The following ZBTB20 variants were observed in gnomAD, a reference collection of about 807,000 sequenced individuals.
ZBTB20 encodes the protein zinc finger and BTB domain-containing protein 20.
ZBTB20 carries 9 observed loss-of-function variants against 56.9 expected under a neutral mutation model. The ratio of observed to expected loss-of-function variants is 0.16; its 90% CI spans 0.10 to 0.28. ZBTB20 has a LOEUF of 0.28. Ranked by LOEUF, ZBTB20 falls within the 10% of genes least tolerant of loss-of-function variation. The pLI is 1.00. For missense variants in ZBTB20, 655 were observed against 1,003.0 expected (o/e 0.65, Z 4.69); for synonymous variants, 417 against 420.7 (o/e 0.99, Z 0.11).
At chr3:114,697,305 ATAAG>A (rs2063102715) in intron 5 of ZBTB20, among the ~76,000 whole-genome samples, 1 of 152,020 alleles carries the variant, frequency 6.6e-6, no homozygotes, top group Admixed American at 6.6e-5. Context: ...TTTTCACAAA[ATAAG>A]TAAAAACGAA....
chr3:115,047,333 C>T (rs1415475232), intron 2 of ZBTB20, among the ~76,000 whole-genome samples: 1 of 152,144 alleles, frequency 6.6e-6, no homozygotes, highest in East Asian at 1.9e-4. Context: ...GAAAAGACAA[C>T]ATACTTGGAA....
intron 5 of ZBTB20, among the ~76,000 whole-genome samples, chr3:114,731,814 G>A (rs1191212957): frequency 6.7e-6 from 1 of 149,182 alleles, no homozygotes; most frequent in Admixed American, 6.7e-5. Flanking sequence ...TAACTAATCC[G>A]GCTGTGCCTA....
At chr3:114,828,032 A>G (rs940265656) in intron 4 of ZBTB20, among the ~76,000 whole-genome samples, 3 of 151,736 alleles carry the variant, frequency 2.0e-5, no homozygotes, top group African/African-American at 7.2e-5. Flanking sequence ...GTAAGATTAA[A>G]TGGGGATTAA....
chr3:114,621,902 T>G (rs1467540735), intron 6 of ZBTB20, among the ~76,000 whole-genome samples: 1 of 152,188 alleles, frequency 6.6e-6, no homozygotes, highest in Non-Finnish European at 1.5e-5. Context: ...TTCTGACTTC[T>G]TATATATTTC....
intron 7 of ZBTB20, among the ~76,000 whole-genome samples, chr3:114,481,335 C>T (rs754620069): frequency 2.6e-5 from 4 of 151,762 alleles, no homozygotes; most frequent in East Asian, 3.9e-4. Context: ...TCAGGTCACA[C>T]GCATCCTACT....
intron 5 of ZBTB20, among the ~76,000 whole-genome samples, chr3:114,741,282 T>C (rs2066550493): frequency 6.6e-6 from 1 of 152,096 alleles, no homozygotes; most frequent in African/African-American, 2.4e-5. Context: ...CTACAAAAAT[T>C]CCCAAATAGG....
chr3:114,595,996 G>T (rs1395813207), intron 6 of ZBTB20, among the ~76,000 whole-genome samples: 2 of 152,166 alleles, frequency 1.3e-5, no homozygotes, highest in African/African-American at 4.8e-5. Flanking sequence ...ATAGAGTAGG[G>T]AGGACAACTG....
At position 115,044,047 on chromosome 3, in the gene ZBTB20, C is replaced by T. The variant is rs139309674; in HGVS notation, c.-507+27172G>A. ...GAAGTACCTGCTCCTCCTTTGCCTT[C>T]TGCCATTACTGTAAGATTCCTTAGG... On this transcript the variant is annotated intron_variant, in intron 2 of 11. Transcript: ENST00000675478. Among the ~76,000 whole-genome samples, 720 of 152,324 alleles carry T rather than the reference C, an allele frequency of 4.7e-3. 3 individuals carry two copies. The highest frequency in any genetic ancestry group is 0.031 in the Middle Eastern group (9 of 294).
rs1579113167 is a variant in ZBTB20, at chr3:114,842,823, C to T, written c.-416-41649G>A. Among the ~76,000 whole-genome samples, 4 of 152,062 alleles carry T rather than the reference C, an allele frequency of 2.6e-5. No homozygotes were observed. The South Asian group carries it at 8.3e-4, about 32-fold the overall frequency. ...AATCCCAGAATTTGCAACATTTGAT[C>T]CAAAAAGAATGAATCTCCTCAAACT... is the stretch of plus-strand genomic sequence containing the variant. On this transcript the variant is annotated intron_variant, in intron 4 of 11. Transcript: ENST00000675478.
intron 11 of ZBTB20, among the ~76,000 whole-genome samples, chr3:114,341,956 T>G (rs2079809407): frequency 6.6e-6 from 1 of 152,220 alleles, no homozygotes. Context: ...CAAAGTATCC[T>G]GTTCCCTTCC....
intron 6 of ZBTB20, among the ~76,000 whole-genome samples, chr3:114,513,402 T>G (rs1024469482): frequency 1.3e-5 from 2 of 152,230 alleles, no homozygotes; most frequent in African/African-American, 4.8e-5. Context: ...TATTTATATT[T>G]TGAATTTTAA....
chr3:114,338,051 A>G lies in ZBTB20; in HGVS notation c.*954T>C, dbSNP rs2079520935. The G allele has an allele frequency of 6.7e-6, 1 of 148,794 alleles. No individual in the cohort carries two copies. Among genetic ancestry groups the G allele is most frequent in the Non-Finnish European group, 1.5e-5 (1 of 67,228 alleles). 9.2% of individuals were successfully genotyped at this position (148,794 alleles called of 1,614,324 possible). ...CTTTTTATTGTTCCCCCCACCCTCC[A>G]TTTCTTTTTCTTTTTCTCTTCCACA... On this transcript the variant is annotated 3_prime_UTR_variant, in exon 12 of 12. Transcript: ENST00000675478.
chr3:114,850,500 T>A (rs2074945952), intron 4 of ZBTB20, among the ~76,000 whole-genome samples: 1 of 152,218 alleles, frequency 6.6e-6, no homozygotes, highest in South Asian at 2.1e-4. Flanking sequence ...TTAACCTTCA[T>A]AACAACCTTT....
rs2080702035 is a variant in ZBTB20, at chr3:114,351,885, C to T, written c.200-7G>A. On this transcript the variant is annotated splice_region_variant and splice_polypyrimidine_tract_variant and intron_variant, in intron 10 of 11. Transcript: ENST00000675478. ...CCCTTGCAACTGATGTCACCTGCAG[C>T]ATGTCAACGCAGACACAAAACAGGG... 8 of 1,578,726 alleles carry T rather than the reference C, an allele frequency of 5.1e-6. No homozygotes were observed. The South Asian group carries it at 9.3e-5, about 18-fold the overall frequency.
chr3:114,475,991 A>T (rs977634937), intron 7 of ZBTB20, among the ~76,000 whole-genome samples: 3 of 152,084 alleles, frequency 2.0e-5, no homozygotes, highest in African/African-American at 4.8e-5. Flanking sequence ...AGAAATATTA[A>T]TTTTTCCCAA....
chr3:115,056,798 AT>A lies in ZBTB20; in HGVS notation c.-507+14420del, dbSNP rs2081808016. Among the ~76,000 whole-genome samples the A allele has an allele frequency of 2.0e-5, 3 of 152,202 alleles. No individual in the cohort carries two copies. In the South Asian group the frequency reaches 6.2e-4, roughly 32 times the overall value. On this transcript the variant is annotated intron_variant, in intron 2 of 11. Coordinates refer to ENST00000675478, the MANE Select transcript of ZBTB20 (RefSeq NM_001348800.3). ...ACCATTTATGTAAGTGGTTATCCAT[AT>A]TTCATTATAGGGTGTTTGGGCTTAA...
intron 1 of ZBTB20, among the ~76,000 whole-genome samples, chr3:115,077,502 C>T (rs1442039041): frequency 1.3e-5 from 2 of 152,170 alleles, no homozygotes; most frequent in African/African-American, 4.8e-5. Flanking sequence ...TTCCAGCCTC[C>T]AGAACTACGA....
chr3:114,447,323 T>C (rs1032870442), intron 7 of ZBTB20, among the ~76,000 whole-genome samples: 14 of 151,994 alleles, frequency 9.2e-5, no homozygotes, highest in African/African-American at 3.4e-4. Context: ...TAGAATTAAA[T>C]GAAAGGAGAT....
chr3:114,479,978 A>ACAT (rs1171240355), intron 7 of ZBTB20, among the ~76,000 whole-genome samples: 1 of 152,194 alleles, frequency 6.6e-6, no homozygotes, highest in Admixed American at 6.5e-5. Flanking sequence ...TGGTACAATG[A>ACAT]TGTTCTCAAC....
Sources: allele counts gnomAD v4.1 joint callset (sites outside exome capture counted in the v4.1 genomes callset), GRCh38; gene constraint gnomAD v4.1.1; transcripts MANE v1.5; gene names NCBI Gene and HGNC (gene_info 2026-07-23, HGNC 2026-07-21).